Variants in STAT3 observed in about 807,000 individuals in gnomAD.
STAT3 encodes signal transducer and activator of transcription 3.
In STAT3, 7 loss-of-function variants were observed where a neutral mutation model predicts 114.3. The observed-to-expected ratio is 0.06, with a 90% CI of 0.03 to 0.11. STAT3 has a LOEUF of 0.11. Among genes scored for constraint, STAT3 ranks in the 10% least tolerant of loss-of-function variants. The probability of loss-of-function intolerance (pLI) is 1.00; values close to 1 mark genes in which losing one functional copy is unlikely to be tolerated. For missense variants in STAT3, 364 were observed against 960.9 expected, an observed-to-expected ratio of 0.38 and a Z score of 8.21; for synonymous variants, 331 against 354.5, an observed-to-expected ratio of 0.93 and a Z score of 0.74.
At chr17:42,374,610 C>CA (rs1260078348) in intron 1 of STAT3, among the ~76,000 whole-genome samples, 107,428 of 120,840 alleles carry the variant, frequency 0.89, 48,008 homozygotes, top group East Asian at 0.99. Flanking sequence ...AACTCCATCT[C>CA]AAAAAAAAAA....
In STAT3 at chr17:42,314,893, G is replaced by A. The variant is rs1034949256; in HGVS notation, c.*852C>T. Reference sequence around the variant, plus strand: ...TTTTGAGACAGAGTCTCAGACTGTCGCCCAGGATGGAGTGCAGTGTGCAGT... The same window carrying A: ...TTTTGAGACAGAGTCTCAGACTGTCACCCAGGATGGAGTGCAGTGTGCAGT... On this transcript the variant is annotated 3_prime_UTR_variant, in exon 24 of 24. Transcript: ENST00000264657. 10 of 165,674 alleles carry A rather than the reference G, an allele frequency of 6.0e-5. No homozygotes were observed. Among genetic ancestry groups the A allele is most frequent in the South Asian group, 2.1e-4 (1 of 4,712 alleles). 10.3% of individuals were successfully genotyped at this position (165,674 alleles called of 1,614,324 possible).
rs545212032 is a variant in STAT3, at chr17:42,319,963, G to A, written c.2101+2319C>T. Among the ~76,000 whole-genome samples the A allele has an allele frequency of 5.3e-5, 8 of 152,216 alleles. No individual in the cohort carries two copies. In the South Asian group the frequency reaches 6.2e-4, roughly 12 times the overall value. On this transcript the variant is annotated intron_variant, in intron 21 of 23. Transcript: ENST00000264657. ...TGGCCCCTGAGGAAACGCTGACATC[G>A]CTGGGCAGGAAAGGACCTGGCCTCC...
intron 1 of STAT3, among the ~76,000 whole-genome samples, chr17:42,353,460 C>T (rs980297372): frequency 6.6e-6 from 1 of 151,640 alleles, no homozygotes; most frequent in Non-Finnish European, 1.5e-5. Flanking sequence ...TTTTATTGAA[C>T]ACTGCTACTC....
rs1451984094 is a variant in STAT3 at position 42,337,447 on chromosome 17, C to T, written c.785G>A (p.Arg262Gln). The T allele has an allele frequency of 1.9e-6, 3 of 1,613,946 alleles. No individual in the cohort carries two copies. The highest frequency in any genetic ancestry group is 2.2e-5 in the East Asian group (1 of 44,876). The stretch of plus-strand genomic sequence containing the variant: ...TTTCATCCTTTACCAGTTTTCTAGC[C>T]GATCTAGGCAGATGTTGGGCGGGCC... ...IGGPPNICLD[R>Q]LENWITSLAE... The change falls in exon 8 of 24, where the codon CGG becomes CAG. Residue 262 changes from arginine (R) to glutamine (Q), a missense_variant. Around this residue, in one of 5 missense-constraint regions of STAT3, gnomAD observed 294 missense variants for 745.1 expected, o/e 0.39. Coordinates refer to ENST00000264657, the MANE Select transcript of STAT3 (RefSeq NM_139276.3). This position sits in a 1 kb window ranked among gnomAD's most constrained non-coding sequence, Gnocchi z 4.0.
At chr17:42,330,615 G>C (rs1223995274) in intron 11 of STAT3, among the ~76,000 whole-genome samples, 2 of 151,016 alleles carry the variant, frequency 1.3e-5, no homozygotes, top group Non-Finnish European at 2.9e-5. Flanking sequence ...ATTTTTAGTA[G>C]AGACGGGGTT....
intron 1 of STAT3, among the ~76,000 whole-genome samples, chr17:42,354,679 C>T (rs2083142157): frequency 6.6e-6 from 1 of 150,778 alleles, no homozygotes; most frequent in Admixed American, 6.6e-5. Context: ...TGGTGGTGGG[C>T]GCCTGTAGTC....
chr17:42,340,754 C>A (rs1161642045), intron 4 of STAT3, among the ~76,000 whole-genome samples: 3 of 152,162 alleles, frequency 2.0e-5, no homozygotes, highest in Non-Finnish European at 4.4e-5. Context: ...GTGACAGTGA[C>A]TCATCTGATT....
chr17:42,329,496 T>C (rs376026536), intron 13 of STAT3, 39 bp from the exon 14 acceptor site: 81 of 1,614,040 alleles, frequency 5.0e-5, no homozygotes, highest in Admixed American at 1.2e-4. Context: ...TGTGAGGCTC[T>C]CCCTAGCCCT....
chr17:42,332,508 A>G (rs1224590406), intron 10 of STAT3, among the ~76,000 whole-genome samples: 1 of 135,836 alleles, frequency 7.4e-6, no homozygotes, highest in Non-Finnish European at 1.6e-5. Context: ...TCAGCACTCT[A>G]GCCTGGGTGA....
At chr17:42,362,943 T>C (rs2083591178) in intron 1 of STAT3, among the ~76,000 whole-genome samples, 1 of 152,162 alleles carries the variant, frequency 6.6e-6, no homozygotes, top group South Asian at 2.1e-4. Flanking sequence ...ACCATCACCA[T>C]GACTTGCACC....
In STAT3 at chr17:42,324,985, T is replaced by C. The variant is rs2081644374; in HGVS notation, c.1442A>G (p.Asn481Ser). Residue 481 changes from asparagine to serine, a missense_variant, in exon 16 of 24, where the codon AAC becomes AGC. Asn to Ser is a conservative substitution (Grantham distance 46). Transcript: ENST00000264657. This position sits in a 1 kb window ranked among gnomAD's most constrained non-coding sequence, Gnocchi z 4.5. ...PNAWASILWY[N>S]MLTNNPKNVN... ...AACCTTGGGATTGTTGGTCAGCATG[T>C]TGTACCACAGGATGGACGCCCAGGC... 3.7e-6 allele frequency: 6 copies of C among 1,614,058 alleles called. No individual in the cohort carries two copies. Among genetic ancestry groups the C allele is most frequent in the African/African-American group, 1.3e-5 (1 of 74,932 alleles).
At chr17:42,352,159 T>A (rs1216892878) in intron 1 of STAT3, among the ~76,000 whole-genome samples, 2 of 152,056 alleles carry the variant, frequency 1.3e-5, no homozygotes, top group East Asian at 3.9e-4. Flanking sequence ...GCCAACATAG[T>A]GAAACCCCGT....
chr17:42,346,802 C>T (rs1352329532), intron 2 of STAT3, 89 bp from the exon 3 acceptor site: 1 of 1,585,114 alleles, frequency 6.3e-7, no homozygotes, highest in African/African-American at 1.4e-5. Context: ...AGGAAAAAAA[C>T]AAAAAAACAA....
intron 1 of STAT3, among the ~76,000 whole-genome samples, chr17:42,354,241 C>T (rs1417988779): frequency 7.1e-6 from 1 of 140,734 alleles, no homozygotes; most frequent in Non-Finnish European, 1.5e-5. Context: ...GCGATCTTGG[C>T]TCACTGCAGC....
In STAT3 at chr17:42,360,003, T is replaced by A. The variant is rs184448743; in HGVS notation, c.-23-11464A>T. On this transcript the variant is annotated intron_variant, in intron 1 of 23. Coordinates refer to ENST00000264657, the MANE Select transcript of STAT3 (RefSeq NM_139276.3). Reference sequence around the variant, plus strand: ...TGAACCTGGGAGGCAGAGCTTGCAGTGAGCCGAGATCGCGCCACTGCACTC... The same window carrying A: ...TGAACCTGGGAGGCAGAGCTTGCAGAGAGCCGAGATCGCGCCACTGCACTC... Among the ~76,000 whole-genome samples, 553 of 132,128 alleles carry A rather than the reference T, an allele frequency of 4.2e-3. 1 individual carries two copies. Among genetic ancestry groups the A allele is most frequent in the Non-Finnish European group, 6.1e-3 (400 of 65,726 alleles). 86.7% of individuals were successfully genotyped at this position (132,128 alleles called of 152,430 possible).
intron 1 of STAT3, among the ~76,000 whole-genome samples, chr17:42,375,765 G>T (rs1184937248): frequency 2.0e-5 from 3 of 151,442 alleles, no homozygotes; most frequent in East Asian, 3.9e-4. Flanking sequence ...GGAGGCGGAG[G>T]TTGTGGTGAG....
intron 14 of STAT3, 92 bp downstream of exon 14, chr17:42,329,318 A>G: frequency 6.4e-7 from 1 of 1,565,134 alleles, no homozygotes; most frequent in Non-Finnish European, 8.8e-7. Flanking sequence ...GAACAGGTTG[A>G]TGTTTCTAAT....
At chr17:42,344,783 G>A (rs1169501285) in intron 4 of STAT3, among the ~76,000 whole-genome samples, 3 of 151,194 alleles carry the variant, frequency 2.0e-5, no homozygotes, top group Non-Finnish European at 2.9e-5. Context: ...AACTCCTGAG[G>A]CTCAGGCAAT....
chr17:42,331,157 T>C (rs372061890), intron 11 of STAT3, among the ~76,000 whole-genome samples: 2 of 152,238 alleles, frequency 1.3e-5, no homozygotes, highest in African/African-American at 4.8e-5. Flanking sequence ...TTGCAGAACG[T>C]ATCCCAGTCG....
Sources: allele counts gnomAD v4.1 joint callset (sites outside exome capture counted in the v4.1 genomes callset), GRCh38; gene constraint gnomAD v4.1.1; regional missense constraint gnomAD v4.1.1; non-coding constraint Gnocchi (gnomAD v3.1); transcripts MANE v1.5; gene names NCBI Gene and HGNC (gene_info 2026-07-23, HGNC 2026-07-21).